SLC8A1: variants seen among roughly 807,000 people sequenced by gnomAD.
The protein encoded by SLC8A1 is sodium/calcium exchanger 1.
A neutral mutation model predicts 68.3 loss-of-function variants in SLC8A1; 18 were observed. The observed-to-expected ratio is 0.26, with a 90% CI of 0.18 to 0.39. The LOEUF (loss-of-function observed/expected upper bound fraction) is 0.39, where lower values mean the gene tolerates loss of function less well. SLC8A1 is among the 10% of genes least tolerant of loss of function. The probability of loss-of-function intolerance (pLI) is 1.00; values close to 1 mark genes in which losing one functional copy is unlikely to be tolerated. For synonymous variants in SLC8A1, 475 were observed against 415.5 expected (o/e 1.14, Z -1.74); for missense variants, 985 against 1,156.7 (o/e 0.85, Z 2.15).
At chr2:40,348,995 C>T (rs1181707144) in intron 2 of SLC8A1, among the ~76,000 whole-genome samples, 3 of 152,118 alleles carry the variant, frequency 2.0e-5, no homozygotes, top group Admixed American at 2.0e-4. Context: ...TTTTGAGAAT[C>T]TGAGGAATGT....
chr2:40,273,880 TTC>T (rs1411438359), intron 2 of SLC8A1, among the ~76,000 whole-genome samples: 117 of 149,548 alleles, frequency 7.8e-4, no homozygotes, highest in African/African-American at 2.7e-3. Context: ...TTTTTTTTTT[TTC>T]CATTTTAGTT....
At chr2:40,430,283 C>A (rs1404966385) in exon 2 of SLC8A1, 7 of 1,602,262 alleles carry the variant, frequency 4.4e-6, no homozygotes, top group Non-Finnish European at 4.3e-6. Context: ...TTGTACATGA[C>A]ACTTCCAACT....
intron 1 of SLC8A1, among the ~76,000 whole-genome samples, chr2:40,463,887 C>CACACACACATAT (rs796954298): frequency 9.2e-5 from 10 of 108,550 alleles, no homozygotes; most frequent in African/African-American, 3.4e-4. Flanking sequence ...CACACACACA[C>CACACACACATAT]ATATATATAT....
At position 40,414,081 on chromosome 2, in the gene SLC8A1, A is replaced by G. The variant is rs76702090; in HGVS notation, c.1808+14392T>C. Among the ~76,000 whole-genome samples the G allele has an allele frequency of 6.5e-3, 994 of 152,026 alleles. 14 individuals carry two copies. Among genetic ancestry groups the G allele is most frequent in the African/African-American group, 0.023 (943 of 41,564 alleles). On this transcript the variant is annotated intron_variant, in intron 2 of 7. Transcript: ENST00000406785. Reference sequence around the variant, plus strand: ...TGAACAATTTAGAAACAGAAAGTCAATACCTTGGTTTCTCTAATATAAATG... The same window carrying G: ...TGAACAATTTAGAAACAGAAAGTCAGTACCTTGGTTTCTCTAATATAAATG...
chr2:40,254,165 G>A (rs537167372), intron 2 of SLC8A1, among the ~76,000 whole-genome samples: 1 of 150,668 alleles, frequency 6.6e-6, no homozygotes, highest in Non-Finnish European at 1.5e-5. Context: ...TAATCATTAT[G>A]TCAACAAAAA....
At chr2:40,432,080 T>C (rs1219950368) in intron 1 of SLC8A1, among the ~76,000 whole-genome samples, 1 of 152,116 alleles carries the variant, frequency 6.6e-6, no homozygotes, top group East Asian at 1.9e-4. Flanking sequence ...TTGTTCAGTC[T>C]TTGAAAGGCT....
At chr2:40,101,936 T>G (rs1572671884) in exon 8 of SLC8A1, 1 of 152,248 alleles carries the variant, frequency 6.6e-6, no homozygotes, top group South Asian at 2.1e-4. Flanking sequence ...GCTGCTTGTT[T>G]GGGGAACAAA....
In SLC8A1 at chr2:40,463,887, C is replaced by CACACACACAT. The variant is rs796954298; in HGVS notation, c.-24-33584_-24-33583insATGTGTGTGT. ...ACACACACACACACACACACACACA[C>CACACACACAT]ATATATATATAGAGAGAGAGACAGA... On this transcript the variant is annotated intron_variant, in intron 1 of 7. Coordinates refer to the SLC8A1 transcript ENST00000402441. Among the ~76,000 whole-genome samples the CACACACACAT allele has an allele frequency of 6.3e-3, 684 of 108,404 alleles. 3 individuals carry two copies. Among genetic ancestry groups the CACACACACAT allele is most frequent in the East Asian group, 0.039 (151 of 3,832 alleles). 71.1% of individuals were successfully genotyped at this position (108,404 alleles called of 152,430 possible).
intron 7 of SLC8A1, among the ~76,000 whole-genome samples, chr2:40,117,392 CAAAAAAAAA>C (rs70957144): frequency 6.8e-5 from 4 of 58,746 alleles, no homozygotes; most frequent in East Asian, 4.2e-4. Context: ...ACTAAAAATA[CAAAAAAAAA>C]AAAAAAAAAA....
intron 2 of SLC8A1, among the ~76,000 whole-genome samples, chr2:40,392,971 G>T (rs1685798805): frequency 6.6e-6 from 1 of 152,008 alleles, no homozygotes; most frequent in East Asian, 1.9e-4. Flanking sequence ...ACTTTATTTT[G>T]CTGGCAGGAG....
chr2:40,213,331 G>C (rs1340281198), intron 2 of SLC8A1: 1 of 152,136 alleles, frequency 6.6e-6, no homozygotes, highest in Non-Finnish European at 1.5e-5. Flanking sequence ...GGATATATTT[G>C]ACCAGTAGAT....
intron 2 of SLC8A1, among the ~76,000 whole-genome samples, chr2:40,217,225 C>T (rs1325095199): frequency 1.3e-5 from 2 of 152,202 alleles, no homozygotes; most frequent in South Asian, 2.1e-4. Context: ...AGTTTTTCTA[C>T]CACCATTTAT....
At chr2:40,449,180 A>AC (rs1701986954) in intron 1 of SLC8A1, among the ~76,000 whole-genome samples, 1 of 134,206 alleles carries the variant, frequency 7.5e-6, no homozygotes, top group South Asian at 2.4e-4. Flanking sequence ...AAAAACAACA[A>AC]CAAAAAAAAA....
intron 1 of SLC8A1, among the ~76,000 whole-genome samples, chr2:40,467,609 G>A (rs1703767634): frequency 1.3e-5 from 2 of 151,984 alleles, no homozygotes; most frequent in African/African-American, 4.8e-5. Flanking sequence ...TTAATTAAAG[G>A]TCATATAGTA....
intron 2 of SLC8A1, chr2:40,250,614 G>GTACTT (rs1312722089): frequency 6.6e-6 from 1 of 152,108 alleles, no homozygotes; most frequent in African/African-American, 2.4e-5. Context: ...TTCAATAGAT[G>GTACTT]TACTTATGGA....
At position 40,233,662 on chromosome 2, in the gene SLC8A1, G is replaced by T. The variant is rs199581924; in HGVS notation, c.1809-55807C>A. On this transcript the variant is annotated intron_variant, in intron 2 of 7. Transcript: ENST00000406785. ...TTGCTTTTGGTGTTTTAGACATGAA[G>T]TCTTTGCCCATGCCTATGTCCTGAA... Among the ~76,000 whole-genome samples the T allele has an allele frequency of 3.7e-4, 52 of 138,716 alleles. 1 individual carries two copies. In the East Asian group the frequency reaches 9.2e-3, roughly 25 times the overall value. 91.0% of individuals were successfully genotyped at this position (138,716 alleles called of 152,430 possible).
chr2:40,450,482 T>A (rs570205788), intron 1 of SLC8A1, among the ~76,000 whole-genome samples: 2 of 152,264 alleles, frequency 1.3e-5, no homozygotes, highest in Admixed American at 6.5e-5. Context: ...AGATTGTGCA[T>A]GTTCAACTGC....
intron 2 of SLC8A1, among the ~76,000 whole-genome samples, chr2:40,271,228 G>A (rs568988876): frequency 2.7e-4 from 40 of 150,024 alleles, no homozygotes; most frequent in African/African-American, 9.1e-4. Context: ...CCTCTCTCAC[G>A]TCCCCTCCCA....
intron 4 of SLC8A1, among the ~76,000 whole-genome samples, chr2:40,172,983 T>A (rs1214045532): frequency 1.3e-5 from 2 of 152,076 alleles, no homozygotes; most frequent in African/African-American, 2.4e-5. Context: ...CAGAAAGATA[T>A]TCAAACACGT....
Sources: gnomAD v4.1 joint callset for allele counts (sites outside exome capture counted in the v4.1 genomes callset) on GRCh38, gnomAD v4.1.1 for gene constraint, MANE v1.5 for transcripts, NCBI Gene and HGNC (gene_info 2026-07-23, HGNC 2026-07-21) for gene names.